The following CCND3 variants were observed in gnomAD, a reference collection of about 807,000 sequenced individuals.
The protein encoded by CCND3 is cyclin D3.
A neutral mutation model predicts 28.7 loss-of-function variants in CCND3; 9 were observed. That is an observed-to-expected ratio of 0.31 (90% CI 0.19 to 0.55). The LOEUF is 0.55. Ranked by LOEUF, CCND3 falls within the 20% of genes least tolerant of loss-of-function variation. CCND3 has a pLI of 0.93. For missense variants in CCND3, 315 were observed against 385.8 expected, an observed-to-expected ratio of 0.82 and a Z score of 1.54; for synonymous variants, 164 against 163.9, an observed-to-expected ratio of 1.00 and a Z score of 0.00.
In CCND3 at chr6:42,011,855, A is replaced by G. The variant is rs1561986137; in HGVS notation, c.-46+36646T>C. Among the ~76,000 whole-genome samples the G allele has an allele frequency of 3.9e-5, 6 of 152,118 alleles. 1 individual carries two copies. The highest frequency in any genetic ancestry group is 8.8e-5 in the Non-Finnish European group (6 of 68,008). On this transcript the variant is annotated intron_variant, in intron 1 of 4. Coordinates refer to the CCND3 transcript ENST00000372988. ...GAGCTCCCTTCTACAGAAACCTGCA[A>G]AGACTCAGATCGAGGAGGAAATACA...
chr6:41,978,468 G>A (rs1421875136), intron 1 of CCND3, among the ~76,000 whole-genome samples: 2 of 151,626 alleles, frequency 1.3e-5, no homozygotes, highest in East Asian at 2.0e-4. Context: ...CCCAGGAGGT[G>A]GAGGTTGCAA....
At chr6:41,962,914 A>ATAT (rs1280673792) in intron 1 of CCND3, among the ~76,000 whole-genome samples, 3 of 152,086 alleles carry the variant, frequency 2.0e-5, no homozygotes, top group Non-Finnish European at 4.4e-5. Context: ...CCATATGCCC[A>ATAT]GCTAATTTTT....
chr6:41,951,575 C>CAAAA (rs58855970), intron 1 of CCND3, among the ~76,000 whole-genome samples: 1,911 of 70,132 alleles, frequency 0.027, 228 homozygotes, highest in South Asian at 0.16. Flanking sequence ...CACACACACA[C>CAAAA]AAAAAAAAAG....
intron 1 of CCND3, among the ~76,000 whole-genome samples, chr6:41,964,435 T>C (rs543039300): frequency 1.1e-4 from 17 of 151,272 alleles, no homozygotes; most frequent in Middle Eastern, 6.8e-3. Context: ...TGTTTGTGTG[T>C]ATGTGTGAAT....
Position 42,008,706 on chromosome 6 carries a change from C to G in CCND3, c.-46+39795G>C, listed in dbSNP as rs543308234. Among the ~76,000 whole-genome samples the G allele has an allele frequency of 6.6e-5, 10 of 152,254 alleles. No individual in the cohort carries two copies. The South Asian group carries it at 2.1e-3, about 32-fold the overall frequency. On this transcript the variant is annotated intron_variant, in intron 1 of 4. Coordinates refer to the CCND3 transcript ENST00000372988. ...GAAAGGGTCTATGTGCATGTAAATA[C>G]TTATGTATATATTCGGTTATGGTTT...
rs565078780 is a variant in CCND3 at position 41,972,101 on chromosome 6, G to A, written c.-45-31516C>T. Among the ~76,000 whole-genome samples the A allele has an allele frequency of 2.0e-5, 3 of 150,642 alleles. No homozygotes were observed. The South Asian group carries it at 6.3e-4, about 32-fold the overall frequency. On this transcript the variant is annotated intron_variant, in intron 1 of 4. Coordinates refer to the CCND3 transcript ENST00000372988. ...AAATTAGCTGGGCGTGGTGGCGGGC[G>A]CCTATAGTCCCAGCCATGCGGGAGG...
chr6:41,972,574 CA>C (rs1203565410), intron 1 of CCND3, among the ~76,000 whole-genome samples: 1 of 152,110 alleles, frequency 6.6e-6, no homozygotes, highest in Non-Finnish European at 1.5e-5. Context: ...ATGGTGGTTG[CA>C]TAAAGGTTCC....
At chr6:41,970,925 T>TCC (rs1320483249) in intron 1 of CCND3, among the ~76,000 whole-genome samples, 13 of 151,824 alleles carry the variant, frequency 8.6e-5, no homozygotes, top group Admixed American at 8.5e-4. Context: ...TCTTTTTTTT[T>TCC]TCCCCCCCTT....
At chr6:42,004,065 T>G (rs1763106932) in intron 1 of CCND3, among the ~76,000 whole-genome samples, 1 of 136,734 alleles carries the variant, frequency 7.3e-6, no homozygotes, top group Admixed American at 7.5e-5. Flanking sequence ...TATATATATA[T>G]GTATGTGTGT....
chr6:42,039,067 T>C (rs1409388552), intron 1 of CCND3, among the ~76,000 whole-genome samples: 3 of 152,218 alleles, frequency 2.0e-5, no homozygotes, highest in Admixed American at 6.5e-5. Context: ...ACTATTTATA[T>C]GATGTGATCC....
intron 1 of CCND3, among the ~76,000 whole-genome samples, chr6:42,033,068 G>A (rs1207230240): frequency 1.3e-5 from 2 of 152,138 alleles, no homozygotes; most frequent in African/African-American, 2.4e-5. Context: ...TGACCAGCAC[G>A]TTTTAAAAAT....
Position 41,936,736 on chromosome 6 carries a change from G to A in CCND3, c.575-41C>T. 1 of 1,599,838 alleles carries A rather than the reference G, an allele frequency of 6.3e-7. No homozygotes were observed. Among genetic ancestry groups the A allele is most frequent in the Non-Finnish European group, 8.5e-7 (1 of 1,170,390 alleles). On this transcript the variant is annotated intron_variant, in intron 3 of 4. Coordinates refer to ENST00000372991, the MANE Select transcript of CCND3 (RefSeq NM_001760.5). The surrounding 1 kb of genome is among the most constrained non-coding windows in gnomAD (Gnocchi z 4.4). Reference sequence around the variant, plus strand: ...AGGGAACCATGAGAGAAGGAAACCTGAAGGATAACGGCCAGCATGGACTTC... The same window carrying A: ...AGGGAACCATGAGAGAAGGAAACCTAAAGGATAACGGCCAGCATGGACTTC...
At chr6:41,983,420 TTAC>T (rs1371857591) in intron 1 of CCND3, among the ~76,000 whole-genome samples, 4 of 151,908 alleles carry the variant, frequency 2.6e-5, no homozygotes, top group African/African-American at 9.7e-5. Flanking sequence ...AATGAAATTA[TTAC>T]TACTATCATG....
intron 1 of CCND3, among the ~76,000 whole-genome samples, chr6:41,974,186 G>T (rs961126594): frequency 7.2e-5 from 11 of 152,062 alleles, no homozygotes; most frequent in African/African-American, 2.7e-4. Context: ...CTGTCTCGAA[G>T]AAACAAAACA....
At chr6:41,940,758 C>A (rs1443195033) in intron 1 of CCND3, 173 bp from the exon 2 acceptor site, 6 of 759,250 alleles carry the variant, frequency 7.9e-6, no homozygotes, top group Non-Finnish European at 1.2e-5. Context: ...AAGGTGACGC[C>A]CCCCACTTCC....
chr6:41,980,010 TCACACACACA>T (rs58375638), intron 1 of CCND3, among the ~76,000 whole-genome samples: 1 of 137,090 alleles, frequency 7.3e-6, no homozygotes, highest in Non-Finnish European at 1.6e-5. Context: ...GCTTTCAAAA[TCACACACACA>T]CACACACACA....
chr6:41,993,688 T>C (rs13216308), intron 1 of CCND3, among the ~76,000 whole-genome samples: 148,754 of 151,798 alleles, frequency 0.98, 72,948 homozygotes, highest in East Asian at 1. Flanking sequence ...GCTGGCTGGG[T>C]GCAGTGGTTC....
At chr6:41,996,137 TA>T (rs1358176562) in intron 1 of CCND3, among the ~76,000 whole-genome samples, 520 of 10,140 alleles carry the variant, frequency 0.051, 4 homozygotes, top group East Asian at 0.14. Context: ...TATATATATA[TA>T]TTTTTTTTGT....
chr6:41,982,125 C>G (rs1762364335), intron 1 of CCND3, among the ~76,000 whole-genome samples: 2 of 151,608 alleles, frequency 1.3e-5, no homozygotes, highest in Admixed American at 1.3e-4. Flanking sequence ...CAAAAATTAG[C>G]TGGGTGTGGT....
Sources: allele counts gnomAD v4.1 joint callset (sites outside exome capture counted in the v4.1 genomes callset), GRCh38; gene constraint gnomAD v4.1.1; non-coding constraint Gnocchi (gnomAD v3.1); transcripts MANE v1.5; gene names NCBI Gene and HGNC (gene_info 2026-07-23, HGNC 2026-07-21).